The following ZNF892 variants were observed in gnomAD, a reference collection of about 807,000 sequenced individuals.
The protein encoded by ZNF892 is zinc finger protein 570-like.
chr2:95,252,831 GGC>G, the ZNF892 span, among the ~76,000 whole-genome samples: 2 of 152,172 alleles, frequency 1.3e-5, no homozygotes, highest in African/African-American at 4.8e-5. Flanking sequence ...TTTCTCTGAT[GGC>G]CAGAGATGAT....
the ZNF892 span, among the ~76,000 whole-genome samples, chr2:95,207,244 G>A: frequency 6.2e-4 from 94 of 152,292 alleles, no homozygotes; most frequent in African/African-American, 2.2e-3. Flanking sequence ...TAGGTCAAGG[G>A]CGCCGCCTTC....
the ZNF892 span, among the ~76,000 whole-genome samples, chr2:95,249,538 T>A: frequency 7.2e-5 from 11 of 151,844 alleles, no homozygotes; most frequent in African/African-American, 2.4e-4. Context: ...TGAGTCACAG[T>A]GCCCGGCCTT....
the ZNF892 span, chr2:95,208,878 A>G: frequency 5.3e-5 from 21 of 395,232 alleles, no homozygotes; most frequent in Non-Finnish European, 8.0e-5. Flanking sequence ...ACCCCAAAGG[A>G]AGTGTTCTTC....
At chr2:95,228,471 C>T in the ZNF892 span, among the ~76,000 whole-genome samples, 1 of 152,140 alleles carries the variant, frequency 6.6e-6, no homozygotes, top group African/African-American at 2.4e-5. Context: ...CTCAAGATGC[C>T]AATTTGTCCT....
At chr2:95,252,020 A>G in the ZNF892 span, among the ~76,000 whole-genome samples, 12 of 152,358 alleles carry the variant, frequency 7.9e-5, no homozygotes, top group African/African-American at 2.4e-4. Context: ...TGTGTTGGAA[A>G]TAAGAGTTCG....
the ZNF892 span, among the ~76,000 whole-genome samples, chr2:95,249,242 T>A: frequency 1.6e-4 from 20 of 121,670 alleles, no homozygotes; most frequent in African/African-American, 3.4e-4. Flanking sequence ...TTTTTTTTTT[T>A]TTTTTTTTTT....
At chr2:95,226,877 C>T in the ZNF892 span, among the ~76,000 whole-genome samples, 1 of 152,180 alleles carries the variant, frequency 6.6e-6, no homozygotes, top group Admixed American at 6.5e-5. Context: ...AATCACTGCC[C>T]TGTTCATGCC....
the ZNF892 span, among the ~76,000 whole-genome samples, chr2:95,244,655 T>C: frequency 3.3e-5 from 5 of 152,088 alleles, no homozygotes; most frequent in Non-Finnish European, 5.9e-5. Flanking sequence ...TAAAAAGATA[T>C]TCAGGACCTG....
At chr2:95,257,717 T>C in the ZNF892 span, among the ~76,000 whole-genome samples, 121,491 of 152,180 alleles carry the variant, frequency 0.8, 48,888 homozygotes, top group African/African-American at 0.88. Context: ...GGGCTCCACC[T>C]AGTTCGAGCT....
the ZNF892 span, among the ~76,000 whole-genome samples, chr2:95,210,776 TA>T: frequency 6.6e-6 from 1 of 152,138 alleles, no homozygotes; most frequent in African/African-American, 2.4e-5. Flanking sequence ...GAGCTTATGT[TA>T]GCCACAAGAT....
At chr2:95,209,813 T>G in the ZNF892 span, among the ~76,000 whole-genome samples, 1 of 152,182 alleles carries the variant, frequency 6.6e-6, no homozygotes, top group African/African-American at 2.4e-5. Context: ...TAGCATTGTT[T>G]GTACAGAACG....
the ZNF892 span, among the ~76,000 whole-genome samples, chr2:95,223,378 G>T: frequency 6.6e-6 from 1 of 152,024 alleles, no homozygotes; most frequent in South Asian, 2.1e-4. Flanking sequence ...CTTTATAACA[G>T]ATAATATTGG....
At chr2:95,219,067 C>T in the ZNF892 span, among the ~76,000 whole-genome samples, 3,487 of 152,114 alleles carry the variant, frequency 0.023, 133 homozygotes, top group African/African-American at 0.08. Context: ...GGCGCGATTT[C>T]AGCTAACTGC....
At chr2:95,212,379 T>C in the ZNF892 span, 1 of 397,408 alleles carries the variant, frequency 2.5e-6, no homozygotes, top group Non-Finnish European at 4.4e-6. Flanking sequence ...CATGGAAAAG[T>C]TGAAGTCCCT....
the ZNF892 span, among the ~76,000 whole-genome samples, chr2:95,219,165 A>ATT: frequency 7.0e-6 from 1 of 143,662 alleles, no homozygotes; most frequent in Non-Finnish European, 1.5e-5. Context: ...TGCCCGGCTA[A>ATT]TTTTTTTTTT....
At chr2:95,213,640 T>C in the ZNF892 span, among the ~76,000 whole-genome samples, 4 of 152,182 alleles carry the variant, frequency 2.6e-5, no homozygotes, top group African/African-American at 9.6e-5. Flanking sequence ...TCCAGTTTGC[T>C]GGGTCTAGGG....
the ZNF892 span, chr2:95,232,204 T>C: frequency 1.3e-5 from 2 of 152,222 alleles, no homozygotes; most frequent in Non-Finnish European, 2.9e-5. Flanking sequence ...TCTGCGACTT[T>C]CGATTTTACC....
chr2:95,242,306 C>T, the ZNF892 span, among the ~76,000 whole-genome samples: 1 of 152,218 alleles, frequency 6.6e-6, no homozygotes, highest in African/African-American at 2.4e-5. Flanking sequence ...CAGCAGAAAC[C>T]TTACTGGCCA....
At chr2:95,215,637 T>G in the ZNF892 span, 1 of 398,656 alleles carries the variant, frequency 2.5e-6, no homozygotes, top group African/African-American at 2.1e-5. Context: ...CAGAGCATAG[T>G]TATTGAGCAT....
Sources: gnomAD v4.1 joint callset for allele counts (sites outside exome capture counted in the v4.1 genomes callset) on GRCh38, gnomAD v4.1.1 for gene constraint, MANE v1.5 for transcripts, NCBI Gene and HGNC (gene_info 2026-07-23, HGNC 2026-07-21) for gene names.